The following ZC3H12B variants were observed in gnomAD, a reference collection of about 807,000 sequenced individuals.
The protein encoded by ZC3H12B is zinc finger CCCH-type containing 12B, also known as probable ribonuclease ZC3H12B.
ZC3H12B carries 7 observed loss-of-function variants against 43.9 expected under a neutral mutation model. The ratio of observed to expected loss-of-function variants is 0.16; its 90% CI spans 0.09 to 0.30. The LOEUF (loss-of-function observed/expected upper bound fraction) is 0.30, where lower values mean the gene tolerates loss of function less well. Ranked by LOEUF, ZC3H12B falls within the 10% of genes least tolerant of loss-of-function variation. The pLI, the probability that ZC3H12B is intolerant of heterozygous loss-of-function variation, is 1.00. For missense variants in ZC3H12B, 475 were observed against 670.2 expected, an observed-to-expected ratio of 0.71 and a Z score of 3.22; for synonymous variants, 222 against 241.7, an observed-to-expected ratio of 0.92 and a Z score of 0.76.
At chrX:65,143,005 A>C in the ZC3H12B span, among the ~76,000 whole-genome samples, 1 of 111,178 alleles carries the variant, frequency 9.0e-6, no homozygotes, top group Non-Finnish European at 1.9e-5. Context: ...TTCCATAAAA[A>C]TTTTAGAATT....
At chrX:65,209,615 G>A in the ZC3H12B span, among the ~76,000 whole-genome samples, 4 of 108,200 alleles carry the variant, frequency 3.7e-5, no homozygotes, top group African/African-American at 6.8e-5. Context: ...GGTCAATTTT[G>A]GAATAGGTGT....
intron 2 of ZC3H12B, among the ~76,000 whole-genome samples, chrX:65,379,686 C>A (rs1005671876): frequency 8.9e-6 from 1 of 111,748 alleles, no homozygotes; most frequent in Non-Finnish European, 1.9e-5. Flanking sequence ...TCAAACCAAA[C>A]GCAAAGAAGT....
At chrX:65,211,743 TTA>T in the ZC3H12B span, among the ~76,000 whole-genome samples, 1 of 85,163 alleles carries the variant, frequency 1.2e-5, no homozygotes, top group East Asian at 3.6e-4. Flanking sequence ...AATATATATA[TTA>T]TATAATATAT....
intron 3 of ZC3H12B, among the ~76,000 whole-genome samples, chrX:65,463,812 T>C (rs1194970680): frequency 9.0e-6 from 1 of 111,016 alleles, no homozygotes; most frequent in African/African-American, 3.3e-5. Flanking sequence ...TTTAGGCAGC[T>C]CCCCGAGAAG....
At chrX:65,307,813 A>C in the ZC3H12B span, among the ~76,000 whole-genome samples, 6 of 112,074 alleles carry the variant, frequency 5.4e-5, no homozygotes, top group African/African-American at 1.9e-4. Flanking sequence ...AGTGATAAAC[A>C]CAAACATTTA....
intron 3 of ZC3H12B, among the ~76,000 whole-genome samples, chrX:65,425,938 C>T (rs1200724100): frequency 1.8e-5 from 2 of 111,108 alleles, no homozygotes; most frequent in East Asian, 5.6e-4. Context: ...TGTTGTATCT[C>T]TGCCAAGTTT....
the ZC3H12B span, among the ~76,000 whole-genome samples, chrX:65,157,617 C>T: frequency 9.0e-6 from 1 of 111,285 alleles, no homozygotes; most frequent in Non-Finnish European, 1.9e-5. Context: ...TCCTTTGTAA[C>T]AGAATATAGA....
intron 2 of ZC3H12B, among the ~76,000 whole-genome samples, chrX:65,373,892 G>GT (rs1279711058): frequency 1.8e-4 from 2 of 11,150 alleles, no homozygotes; most frequent in African/African-American, 2.5e-3. Context: ...TTAAAGTATA[G>GT]TAATATATAT....
chrX:65,179,025 T>C, the ZC3H12B span, among the ~76,000 whole-genome samples: 6 of 112,007 alleles, frequency 5.4e-5, no homozygotes, highest in East Asian at 1.7e-3. Flanking sequence ...CCATCAATGA[T>C]AGACTGGATA....
chrX:65,350,234 T>G, the ZC3H12B span, among the ~76,000 whole-genome samples: 1 of 111,776 alleles, frequency 8.9e-6, no homozygotes, highest in South Asian at 3.7e-4. Flanking sequence ...AACCATCACA[T>G]AAACAGAAGC....
the ZC3H12B span, among the ~76,000 whole-genome samples, chrX:65,119,792 A>G: frequency 8.9e-6 from 1 of 112,064 alleles, no homozygotes; most frequent in Admixed American, 9.5e-5. Context: ...CTAATATTTA[A>G]GTCTTTAATC....
chrX:65,171,793 G>A, the ZC3H12B span, among the ~76,000 whole-genome samples: 2 of 111,338 alleles, frequency 1.8e-5, no homozygotes, highest in African/African-American at 6.5e-5. Context: ...ATCTCAGACT[G>A]CTGTGCTAGC....
the ZC3H12B span, among the ~76,000 whole-genome samples, chrX:65,210,995 C>T: frequency 1.6e-5 from 1 of 61,126 alleles, no homozygotes; most frequent in African/African-American, 7.4e-5. Context: ...GGGTGCAGTG[C>T]ACCAGCATGG....
At chrX:65,332,096 C>T in the ZC3H12B span, among the ~76,000 whole-genome samples, 1 of 110,812 alleles carries the variant, frequency 9.0e-6, no homozygotes, top group Non-Finnish European at 1.9e-5. Context: ...CCTTATTTTA[C>T]CCAGCCCCTA....
At chrX:65,161,327 C>G in the ZC3H12B span, among the ~76,000 whole-genome samples, 1 of 111,321 alleles carries the variant, frequency 9.0e-6, no homozygotes, top group African/African-American at 3.3e-5. Flanking sequence ...TGTTAACTTT[C>G]TGTCTCGTTG....
chrX:65,358,399 C>T, the ZC3H12B span, among the ~76,000 whole-genome samples: 2 of 111,676 alleles, frequency 1.8e-5, no homozygotes, highest in Non-Finnish European at 3.8e-5. Flanking sequence ...AGCACCATAT[C>T]GCACTTATTC....
intron 3 of ZC3H12B, among the ~76,000 whole-genome samples, chrX:65,461,147 C>G (rs1178561831): frequency 8.9e-6 from 1 of 112,078 alleles, no homozygotes; most frequent in African/African-American, 3.3e-5. Flanking sequence ...AAATCAAAAC[C>G]ACAGTGAGAT....
chrX:65,158,186 G>A, the ZC3H12B span, among the ~76,000 whole-genome samples: 14 of 109,295 alleles, frequency 1.3e-4, no homozygotes, highest in East Asian at 1.5e-3. Context: ...TGGACATTTC[G>A]GTTGGTTCCA....
the ZC3H12B span, among the ~76,000 whole-genome samples, chrX:65,197,816 T>C: frequency 8.9e-6 from 1 of 112,145 alleles, no homozygotes; most frequent in Non-Finnish European, 1.9e-5. Flanking sequence ...GAGCTGAAAC[T>C]GGGGCTCTGA....
Sources: gnomAD v4.1 joint callset for allele counts (sites outside exome capture counted in the v4.1 genomes callset) on GRCh38, gnomAD v4.1.1 for gene constraint, MANE v1.5 for transcripts, NCBI Gene and HGNC (gene_info 2026-07-23, HGNC 2026-07-21) for gene names.